PAQR5: variants seen among roughly 807,000 people sequenced by gnomAD.
PAQR5 encodes the protein membrane progestin receptor gamma.
Under a neutral mutation model 34.5 loss-of-function variants are expected in PAQR5, and 20 were observed. The ratio of observed to expected loss-of-function variants is 0.58; its 90% confidence interval spans 0.41 to 0.84. The LOEUF (loss-of-function observed/expected upper bound fraction) is 0.84, where lower values mean the gene tolerates loss of function less well. Ranked by LOEUF, PAQR5 falls within the 40% of genes least tolerant of loss-of-function variation. PAQR5 has a pLI of 0.00. For synonymous variants in PAQR5, 131 were observed against 155.6 expected, an observed-to-expected ratio of 0.84 and a Z score of 1.18; for missense variants, 378 against 412.7, an observed-to-expected ratio of 0.92 and a Z score of 0.73.
intron 3 of PAQR5, among the ~76,000 whole-genome samples, chr15:69,378,068 G>A (rs1191677370): frequency 6.6e-6 from 1 of 151,882 alleles, no homozygotes; most frequent in African/African-American, 2.4e-5. Context: ...TTTGAGACCA[G>A]TCTGGGCAAC....
chr15:69,325,432 C>A (rs891619320), intron 1 of PAQR5, among the ~76,000 whole-genome samples: 11 of 152,134 alleles, frequency 7.2e-5, no homozygotes, highest in Non-Finnish European at 1.0e-4. Flanking sequence ...ATAACCACTG[C>A]TTTACTATTA....
At chr15:69,318,950 A>T (rs1400030391) in intron 1 of PAQR5, among the ~76,000 whole-genome samples, 1 of 151,508 alleles carries the variant, frequency 6.6e-6, no homozygotes, top group Non-Finnish European at 1.5e-5. Context: ...CCTGGCCAAC[A>T]TGGGGACACC....
At chr15:69,355,348 CTTTCTTTCTTTCTTTCTTTCT>C (rs2055044709) in intron 2 of PAQR5, among the ~76,000 whole-genome samples, 1 of 25,642 alleles carries the variant, frequency 3.9e-5, no homozygotes. Context: ...TTCTTTTTTT[CTTTCTTTCTTTCTTTCTTTCT>C]TTCTTTCTTT....
chr15:69,307,500 A>G (rs1383278767), intron 1 of PAQR5, among the ~76,000 whole-genome samples: 2 of 152,202 alleles, frequency 1.3e-5, no homozygotes, highest in African/African-American at 4.8e-5. Context: ...CCCAGGCTGC[A>G]GGAAGAAAGT....
At chr15:69,306,693 G>GCC (rs1340824103) in intron 1 of PAQR5, among the ~76,000 whole-genome samples, 17 of 151,866 alleles carry the variant, frequency 1.1e-4, no homozygotes, top group Admixed American at 1.1e-3. Flanking sequence ...GTGAGCCACC[G>GCC]CCCCCCGCCC....
At chr15:69,383,285 T>C (rs574554684) in intron 4 of PAQR5, among the ~76,000 whole-genome samples, 19 of 145,856 alleles carry the variant, frequency 1.3e-4, no homozygotes, top group African/African-American at 4.9e-4. Flanking sequence ...GTGCTCATGG[T>C]GGAGGGTGAG....
chr15:69,385,740 G>A lies in PAQR5; in HGVS notation c.385+858G>A, dbSNP rs776107546. On this transcript the variant is annotated intron_variant, in intron 5 of 8. Transcript: ENST00000395407. This position sits in a 1 kb window ranked among gnomAD's most constrained non-coding sequence, Gnocchi z 4.7. ...CCATCCTCTTTCTTCATATACACAC[G>A]TTCACACTCACACAAACACACACTC... Among the ~76,000 whole-genome samples, 190 of 151,832 alleles carry A rather than the reference G, an allele frequency of 1.3e-3. 3 individuals are homozygous for A. Among genetic ancestry groups the A allele is most frequent in the African/African-American group, 4.4e-3 (181 of 41,354 alleles).
chr15:69,367,451 A>C (rs747466437), intron 3 of PAQR5, among the ~76,000 whole-genome samples: 25 of 152,224 alleles, frequency 1.6e-4, no homozygotes, highest in Admixed American at 4.6e-4. Flanking sequence ...GTGACTTAAC[A>C]TAGCAAAGGT....
intron 1 of PAQR5, among the ~76,000 whole-genome samples, chr15:69,310,976 T>C (rs886072763): frequency 7.4e-6 from 1 of 135,394 alleles, no homozygotes; most frequent in Non-Finnish European, 1.5e-5. Flanking sequence ...GAGGCGGAGC[T>C]TGCAGTGAGC....
intron 4 of PAQR5, among the ~76,000 whole-genome samples, chr15:69,381,845 T>A (rs892020966): frequency 2.0e-5 from 3 of 152,170 alleles, no homozygotes; most frequent in African/African-American, 4.8e-5. Flanking sequence ...TGGAAGGATT[T>A]AGCAATGTTC....
At position 69,309,467 on chromosome 15, in the gene PAQR5, G is replaced by A. The variant is rs144817699; in HGVS notation, c.-277+10411G>A. 3.6e-3 allele frequency among the ~76,000 whole-genome samples: 550 copies of A among 152,264 alleles called. 10 individuals are homozygous for A. The highest frequency in any genetic ancestry group is 0.013 in the African/African-American group (525 of 41,538). On this transcript the variant is annotated intron_variant, in intron 1 of 8. Coordinates refer to ENST00000395407, the MANE Select transcript of PAQR5 (RefSeq NM_017705.4). ...CAGCAGGTGGGAAGAGAGGCAGCTGGCAGACAGTTTTTCCAAAAATGTGTC... is the reference window on the plus strand; with the variant it reads ...CAGCAGGTGGGAAGAGAGGCAGCTGACAGACAGTTTTTCCAAAAATGTGTC...
intron 4 of PAQR5, 45 bp from the exon 5 acceptor site, chr15:69,384,632 C>T: frequency 3.6e-6 from 5 of 1,382,508 alleles, no homozygotes; most frequent in South Asian, 1.2e-5. Context: ...GTGAGCGGGC[C>T]CTCTGTGTTC....
intron 3 of PAQR5, among the ~76,000 whole-genome samples, chr15:69,377,720 G>A (rs955059512): frequency 9.4e-6 from 1 of 106,416 alleles, no homozygotes; most frequent in Non-Finnish European, 2.2e-5. Context: ...GCACTTAAAC[G>A]CTTCACTTTT....
chr15:69,300,196 C>A (rs2140490521), intron 1 of PAQR5, among the ~76,000 whole-genome samples: 1 of 152,234 alleles, frequency 6.6e-6, no homozygotes, highest in South Asian at 2.1e-4. Flanking sequence ...GAGAGGGCAC[C>A]TCCAAGCAGA....
intron 3 of PAQR5, among the ~76,000 whole-genome samples, chr15:69,377,915 C>T (rs890809607): frequency 6.6e-6 from 1 of 152,100 alleles, no homozygotes; most frequent in Non-Finnish European, 1.5e-5. Context: ...ATCACTTGAG[C>T]CCAGGAGTTC....
chr15:69,381,930 T>G (rs907305997), intron 4 of PAQR5, among the ~76,000 whole-genome samples: 1 of 152,192 alleles, frequency 6.6e-6, no homozygotes, highest in African/African-American at 2.4e-5. Flanking sequence ...GAGCCAGCTC[T>G]CTAGGAGTGA....
chr15:69,406,476 T>A lies in PAQR5; in HGVS notation c.*2654T>A, dbSNP rs1439733020. On this transcript the variant is annotated 3_prime_UTR_variant, in exon 9 of 9. Coordinates refer to ENST00000395407, the MANE Select transcript of PAQR5 (RefSeq NM_017705.4). The stretch of plus-strand genomic sequence containing the variant: ...AAGGTAGTGAGTTAGCTCAATTGAT[T>A]GTTCGCAGTCAGTTATAGATCAAGC... The A allele has an allele frequency of 6.6e-6, 1 of 152,248 alleles. No homozygotes were observed. The highest frequency in any genetic ancestry group is 6.5e-5 in the Admixed American group (1 of 15,278). 9.4% of individuals were successfully genotyped at this position (152,248 alleles called of 1,614,324 possible).
intron 1 of PAQR5, among the ~76,000 whole-genome samples, chr15:69,321,410 T>C (rs1033627681): frequency 5.3e-5 from 8 of 152,236 alleles, no homozygotes; most frequent in African/African-American, 1.9e-4. Flanking sequence ...CAGATTTTGT[T>C]ACAGCCGGTC....
At chr15:69,355,845 C>T (rs945212818) in intron 2 of PAQR5, among the ~76,000 whole-genome samples, 13 of 151,958 alleles carry the variant, frequency 8.6e-5, no homozygotes, top group South Asian at 4.1e-4. Context: ...CTCTATTCTG[C>T]GTATCACAAA....
Sources: allele counts gnomAD v4.1 joint callset (sites outside exome capture counted in the v4.1 genomes callset), GRCh38; gene constraint gnomAD v4.1.1; non-coding constraint Gnocchi (gnomAD v3.1); transcripts MANE v1.5; gene names NCBI Gene and HGNC (gene_info 2026-07-23, HGNC 2026-07-21).